ZNF560: variants seen among roughly 807,000 people sequenced by gnomAD.
The protein encoded by ZNF560 is zinc finger protein 560.
In ZNF560, 54 loss-of-function variants were observed where a neutral mutation model predicts 81.8. The ratio of observed to expected loss-of-function variants is 0.66; its 90% CI spans 0.53 to 0.83. ZNF560 has a LOEUF of 0.83. Among genes scored for constraint, ZNF560 ranks in the 40% least tolerant of loss-of-function variants. The probability of loss-of-function intolerance (pLI) is 0.00; values close to 1 mark genes in which losing one functional copy is unlikely to be tolerated. For missense variants in ZNF560, 940 were observed against 932.4 expected (o/e 1.01, Z -0.11); for synonymous variants, 321 against 317.9 (o/e 1.01, Z -0.10).
Position 9,468,278 on chromosome 19 carries a change from G to T in ZNF560, c.669C>A (p.Phe223Leu), listed in dbSNP as rs1347674642. 1.2e-6 allele frequency: 2 copies of T among 1,612,846 alleles called. No homozygotes were observed. Among genetic ancestry groups the T allele is most frequent in the South Asian group, 1.1e-5 (1 of 90,638 alleles). ...LYDCKQCEDVFCKHPCLKTNM... is the reference protein window; with the variant it reads ...LYDCKQCEDVLCKHPCLKTNM... ...TGGTCTTAAGGCATGGATGTTTACA[G>T]AAGACATCTTCACATTGCTTACAGT... Residue 223 changes from phenylalanine (F) to leucine (L), a missense_variant, in exon 10 of 10, where the codon TTC (phenylalanine) becomes TTA (leucine). Coordinates refer to ENST00000301480, the MANE Select transcript of ZNF560 (RefSeq NM_152476.3).
At chr19:9,503,521 T>C (rs1342465384), upstream of ZNF560, among the ~76,000 whole-genome samples, 3 of 152,134 alleles carry the variant, frequency 2.0e-5, no homozygotes, top group Non-Finnish European at 4.4e-5. Context: ...GGGCCTCTCA[T>C]TTTAAAATTA....
Position 9,468,066 on chromosome 19 carries a change from C to G in ZNF560, c.881G>C (p.Gly294Ala). ...RKCTQDKSFEGTDYGKAFIYQ... is the reference protein window; with the variant it reads ...RKCTQDKSFEATDYGKAFIYQ... ...AATGAAGGCTTTCCCATAGTCAGTG[C>G]CTTCAAAGGATTTATCTTGTGTACA... Residue 294 changes from glycine (G) to alanine (A), a missense_variant, in exon 10 of 10, where the codon GGC (glycine) becomes GCC (alanine). Physicochemically the swap from Gly to Ala is moderately conservative, Grantham distance 60. Transcript: ENST00000301480. The G allele has an allele frequency of 6.2e-7, 1 of 1,614,116 alleles. No homozygotes were observed. The highest frequency in any genetic ancestry group is 8.5e-7 in the Non-Finnish European group (1 of 1,180,030).
At chr19:9,453,459 G>C in the ZNF560 span, among the ~76,000 whole-genome samples, 314 of 152,160 alleles carry the variant, frequency 2.1e-3, no homozygotes, top group African/African-American at 7.3e-3. Flanking sequence ...AGGAGAAAAG[G>C]CACAAGGAAA....
chr19:9,446,366 AC>A, the ZNF560 span, among the ~76,000 whole-genome samples: 1 of 2,416 alleles, frequency 4.1e-4, no homozygotes, highest in South Asian at 0.015. Context: ...GCCAAGTCAT[AC>A]ACACACACAC....
At chr19:9,474,104 T>G in intron 4 of ZNF560, 95 bp downstream of exon 4, 2 of 1,400,020 alleles carry the variant, frequency 1.4e-6, no homozygotes, top group Non-Finnish European at 2.0e-6. Context: ...ACGTCTCTGG[T>G]GAATTCAGTG....
chr19:9,486,196 C>T (rs73501874), intron 2 of ZNF560, among the ~76,000 whole-genome samples: 5,560 of 152,190 alleles, frequency 0.037, 355 homozygotes, highest in African/African-American at 0.13. Flanking sequence ...GATAATTACC[C>T]CTCTTCCTGG....
At chr19:9,456,818 T>C in the ZNF560 span, among the ~76,000 whole-genome samples, 1 of 152,212 alleles carries the variant, frequency 6.6e-6, no homozygotes, top group Non-Finnish European at 1.5e-5. Flanking sequence ...CATACATTTA[T>C]TACAACAATG....
chr19:9,471,370 T>C lies in ZNF560; in HGVS notation c.247A>G (p.Ile83Val). ...GCTGAAACACTGGTTTGATGTTTTA[T>C]TGCCCAGTCTGAAACAAAAACATAA... The part of the protein sequence containing the change: ...LQQGVLQDWA[I>V]KHQTSVSALQ... The change falls in exon 6 of 10, where the codon ATA becomes GTA. Residue 83 changes from isoleucine (I) to valine (V), a missense_variant. Coordinates refer to ENST00000301480, the MANE Select transcript of ZNF560 (RefSeq NM_152476.3). 2 of 1,579,232 alleles carry C rather than the reference T, an allele frequency of 1.3e-6. No individual in the cohort carries two copies. Among genetic ancestry groups the C allele is most frequent in the Non-Finnish European group, 1.7e-6 (2 of 1,167,356 alleles).
chr19:9,502,851 G>A (rs1447194464), upstream of ZNF560, among the ~76,000 whole-genome samples: 3 of 151,912 alleles, frequency 2.0e-5, no homozygotes, highest in Non-Finnish European at 2.9e-5. Context: ...TGCCTTTTTT[G>A]TCAATCTAGG....
Position 9,474,238 on chromosome 19 carries a change from C to T in ZNF560, c.118G>A (p.Asp40Asn). 1 of 1,614,156 alleles carries T rather than the reference C, an allele frequency of 6.2e-7. No individual in the cohort carries two copies. The highest frequency in any genetic ancestry group is 8.5e-7 in the Non-Finnish European group (1 of 1,180,014). ...TTCTCATAATTCTCCAGCATCACAT[C>T]TCTGTATAAGTTTCTCTGAACTGGG... ...LDPVQRNLYR[D>N]VMLENYENVA... is the part of the protein sequence containing the mutation. Residue 40 changes from aspartate (D) to asparagine (N), a missense_variant, in exon 4 of 10, where the codon GAT becomes AAT. Asp to Asn is a conservative substitution (Grantham distance 23). Transcript: ENST00000301480.
chr19:9,451,417 T>C, the ZNF560 span, among the ~76,000 whole-genome samples: 1 of 152,238 alleles, frequency 6.6e-6, no homozygotes, highest in Non-Finnish European at 1.5e-5. Flanking sequence ...TGGCTAGCCA[T>C]ATGCAGAAGA....
upstream of ZNF560, among the ~76,000 whole-genome samples, chr19:9,503,585 A>C (rs184538367): frequency 6.6e-6 from 1 of 152,310 alleles, no homozygotes; most frequent in East Asian, 1.9e-4. Flanking sequence ...GGCAGGCTGG[A>C]GTAGAGTGGC....
chr19:9,480,208 G>T (rs1056769982), intron 2 of ZNF560, among the ~76,000 whole-genome samples: 1 of 152,124 alleles, frequency 6.6e-6, no homozygotes, highest in Admixed American at 6.5e-5. Flanking sequence ...ATCCAAGATA[G>T]ATCATATGTT....
chr19:9,451,120 A>T, the ZNF560 span, among the ~76,000 whole-genome samples: 2 of 152,220 alleles, frequency 1.3e-5, no homozygotes, highest in Non-Finnish European at 2.9e-5. Context: ...TAGAAAAAAA[A>T]ACTATTCTAA....
chr19:9,466,203 A>T (rs1180628441), downstream of ZNF560, among the ~76,000 whole-genome samples: 1 of 151,700 alleles, frequency 6.6e-6, no homozygotes, highest in African/African-American at 2.4e-5. Flanking sequence ...AAAATTAGCC[A>T]GGTGTGGTGG....
chr19:9,470,642 A>G (rs2073106993), intron 6 of ZNF560, 124 bp from the exon 7 acceptor site: 19 of 1,333,188 alleles, frequency 1.4e-5, no homozygotes, highest in Non-Finnish European at 1.7e-5. Context: ...CTACACCCCA[A>G]GGTTCAGTGG....
chr19:9,493,136 G>A (rs1403210714), intron 2 of ZNF560, among the ~76,000 whole-genome samples: 1 of 152,156 alleles, frequency 6.6e-6, no homozygotes, highest in Non-Finnish European at 1.5e-5. Flanking sequence ...ATACCACTTA[G>A]AAAGGTTAAC....
intron 8 of ZNF560, 126 bp downstream of exon 8, chr19:9,469,504 T>C (rs759184955): frequency 3.7e-6 from 3 of 806,320 alleles, no homozygotes; most frequent in Non-Finnish European, 6.2e-6. Context: ...AAAGTTAAGA[T>C]ATCCCAAAAC....
At chr19:9,502,763 C>G (rs760209330), upstream of ZNF560, among the ~76,000 whole-genome samples, 5 of 151,944 alleles carry the variant, frequency 3.3e-5, no homozygotes, top group Admixed American at 6.6e-5. Context: ...TCATAGTATC[C>G]TCTTATAATC....
Sources: allele counts gnomAD v4.1 joint callset (sites outside exome capture counted in the v4.1 genomes callset), GRCh38; gene constraint gnomAD v4.1.1; transcripts MANE v1.5; gene names NCBI Gene and HGNC (gene_info 2026-07-23, HGNC 2026-07-21).